CTNND1: variants seen among roughly 807,000 people sequenced by gnomAD.
CTNND1 encodes the protein catenin delta 1, also known as catenin delta-1.
Under a neutral mutation model 112.1 loss-of-function variants are expected in CTNND1, and 16 were observed. The ratio of observed to expected loss-of-function variants is 0.14; its 90% CI spans 0.10 to 0.22. The LOEUF (loss-of-function observed/expected upper bound fraction) is 0.22. CTNND1 is among the 10% of genes least tolerant of loss of function. The pLI, the probability that CTNND1 is intolerant of heterozygous loss-of-function variation, is 1.00. For missense variants in CTNND1, 1,008 were observed against 1,257.0 expected (o/e 0.80, Z 3.00); for synonymous variants, 420 against 446.5 (o/e 0.94, Z 0.75).
chr11:57,766,378 C>T (rs1252799252), intron 1 of CTNND1, among the ~76,000 whole-genome samples: 2 of 152,086 alleles, frequency 1.3e-5, no homozygotes, highest in Admixed American at 1.3e-4. Flanking sequence ...ACTGTTTTAG[C>T]CACAAAACTT....
At chr11:57,781,333 TC>T (rs1161245527) in intron 1 of CTNND1, among the ~76,000 whole-genome samples, 2 of 152,204 alleles carry the variant, frequency 1.3e-5, no homozygotes, top group East Asian at 3.8e-4. Flanking sequence ...ATTTTTTTTT[TC>T]CGAGTCTAGG....
chr11:57,770,440 G>A (rs941653789), intron 1 of CTNND1, among the ~76,000 whole-genome samples: 2 of 152,026 alleles, frequency 1.3e-5, no homozygotes, highest in African/African-American at 2.4e-5. Context: ...GGATCACGAG[G>A]TCAAGAGATT....
At position 57,788,983 on chromosome 11, in the gene CTNND1, TG is replaced by T; in HGVS notation, c.-213-51del. On this transcript the variant is annotated intron_variant, in intron 1 of 20. Transcript: ENST00000399050. The surrounding 1 kb of genome is among the most constrained non-coding windows in gnomAD (Gnocchi z 4.1). ...CCTTGCTCTTCTTGTTTTTATGTAT[TG>T]GGTATATTTTATTTTCCTCTCATTC... 8.4e-7 allele frequency: 1 copy of T among 1,196,444 alleles called. No individual in the cohort carries two copies. Among genetic ancestry groups the T allele is most frequent in the East Asian group, 2.5e-5 (1 of 39,448 alleles). 74.1% of individuals were successfully genotyped at this position (1,196,444 alleles called of 1,614,324 possible). A position where few individuals can be genotyped will look rare whatever the true frequency, so the allele number is the denominator to read the frequency against.
chr11:57,762,617 G>GT (rs1950107000), intron 1 of CTNND1, among the ~76,000 whole-genome samples: 1 of 152,148 alleles, frequency 6.6e-6, no homozygotes, highest in African/African-American at 2.4e-5. Flanking sequence ...TGAACGGCCC[G>GT]TATCGGTTTC....
intron 7 of CTNND1, 128 bp downstream of exon 7, chr11:57,802,324 A>G (rs1240046636): frequency 2.0e-5 from 16 of 793,856 alleles, no homozygotes; most frequent in Admixed American, 1.8e-4. Context: ...GGTCAAATCC[A>G]TCTCACAGAT....
chr11:57,784,409 C>CAA (rs71061541), intron 1 of CTNND1, among the ~76,000 whole-genome samples: 16,574 of 115,286 alleles, frequency 0.14, 1,331 homozygotes, highest in Non-Finnish European at 0.21. Context: ...GATCCTGTCT[C>CAA]AAAAAAAAAA....
intron 1 of CTNND1, among the ~76,000 whole-genome samples, chr11:57,783,105 G>T (rs935285504): frequency 2.6e-5 from 4 of 152,134 alleles, no homozygotes; most frequent in Admixed American, 2.6e-4. Context: ...GGCCAACGTG[G>T]TGAAACCGTG....
chr11:57,761,884 A>T lies in CTNND1; in HGVS notation c.-449A>T. On this transcript the variant is annotated 5_prime_UTR_variant, in exon 1 of 21. Coordinates refer to ENST00000399050, the MANE Select transcript of CTNND1 (RefSeq NM_001085458.2). Reference sequence around the variant, plus strand: ...TAGGTGTTGGATCTGAGGGGGAAAAAAAAGAGAGAGGGAGAGAGAGAGAAA... The same window carrying T: ...TAGGTGTTGGATCTGAGGGGGAAAATAAAGAGAGAGGGAGAGAGAGAGAAA... The T allele has an allele frequency of 1.0e-6, 1 of 985,332 alleles. No individual in the cohort carries two copies. The highest frequency in any genetic ancestry group is 4.7e-5 in the South Asian group (1 of 21,282). The allele number at this position is 985,332 out of a possible 1,614,324, so 61.0% of individuals were successfully genotyped here.
chr11:57,764,230 T>C (rs1327074513), intron 1 of CTNND1: 1 of 149,768 alleles, frequency 6.7e-6, no homozygotes, highest in Non-Finnish European at 1.5e-5. Flanking sequence ...GTGTTCCAGA[T>C]TGCGGGGCGG....
rs2060756239 is a variant in CTNND1, at chr11:57,791,622, A to G, written c.144A>G (p.Pro48=). Residue 48 remains proline, a synonymous_variant, in exon 3 of 21, where the codon CCA becomes CCG. Coordinates refer to ENST00000399050, the MANE Select transcript of CTNND1 (RefSeq NM_001085458.2). ...AGCTGGAACGCGTCCGGGTCTCACC[A>G]CAAGATGCCAACCCACTCATGGCCA... ...SAQLERVRVS[P]QDANPLMANG... is the part of the protein sequence containing the mutation. 6.2e-7 allele frequency: 1 copy of G among 1,603,386 alleles called. No individual in the cohort carries two copies. Among genetic ancestry groups the G allele is most frequent in the Non-Finnish European group, 8.5e-7 (1 of 1,174,364 alleles).
intron 1 of CTNND1, among the ~76,000 whole-genome samples, chr11:57,783,414 C>T (rs1444411579): frequency 6.6e-6 from 1 of 152,178 alleles, no homozygotes; most frequent in East Asian, 1.9e-4. Context: ...AATCCCAGCA[C>T]TTTGGAAGGC....
intron 1 of CTNND1, among the ~76,000 whole-genome samples, chr11:57,774,594 G>A (rs1241309853): frequency 6.6e-6 from 1 of 152,132 alleles, no homozygotes; most frequent in East Asian, 1.9e-4. Flanking sequence ...CCCAAATAAT[G>A]TATTTTATAA....
chr11:57,765,460 ATTTTTTT>A (rs5792061), intron 1 of CTNND1, among the ~76,000 whole-genome samples: 1 of 105,590 alleles, frequency 9.5e-6, no homozygotes, highest in African/African-American at 3.5e-5. Context: ...TCCTCCCTTA[ATTTTTTT>A]TTTTTTTTTT....
chr11:57,794,151 A>G, intron 4 of CTNND1, 70 bp downstream of exon 4: 2 of 1,405,312 alleles, frequency 1.4e-6, no homozygotes, highest in African/African-American at 1.4e-5. Flanking sequence ...ATAAGAGCAT[A>G]TTTGTGTCTT....
intron 1 of CTNND1, among the ~76,000 whole-genome samples, chr11:57,765,067 A>G (rs1950735600): frequency 6.6e-6 from 1 of 152,140 alleles, no homozygotes; most frequent in Non-Finnish European, 1.5e-5. Flanking sequence ...AACTTCCTGG[A>G]ATTGTGTCAC....
chr11:57,802,235 T>C (rs1565353330), intron 7 of CTNND1, 39 bp downstream of exon 7: 1 of 1,520,446 alleles, frequency 6.6e-7, no homozygotes, highest in Admixed American at 1.8e-5. Context: ...AAGTCAGTGT[T>C]ACTCTCTAGT....
chr11:57,776,672 C>A (rs1193223809), intron 1 of CTNND1, among the ~76,000 whole-genome samples: 3 of 152,178 alleles, frequency 2.0e-5, no homozygotes, highest in Non-Finnish European at 2.9e-5. Flanking sequence ...GTCTGAGATA[C>A]AATTAGAACT....
chr11:57,776,607 C>G (rs779893878), intron 1 of CTNND1, among the ~76,000 whole-genome samples: 3 of 152,162 alleles, frequency 2.0e-5, no homozygotes, highest in Non-Finnish European at 4.4e-5. Flanking sequence ...CAGAGGCTTT[C>G]TTCATATCCA....
rs1435985474 is a variant in CTNND1, at chr11:57,796,761, G to A, written c.725G>A (p.Arg242Lys). ...GTGACCCGCATTGAGGAGCGGTATA[G>A]GCCCAGCATGGAAGGCTACCGGGCA... is the stretch of plus-strand genomic sequence containing the variant. Reference protein sequence around the residue: ...SRVTRIEERYRPSMEGYRAPS... With the variant: ...SRVTRIEERYKPSMEGYRAPS... Residue 242 changes from arginine to lysine, a missense_variant, in exon 6 of 21, where the codon AGG (arginine) becomes AAG (lysine). Arg to Lys is a conservative substitution (Grantham distance 26). Around this residue, in one of 5 missense-constraint regions of CTNND1, gnomAD observed 404 missense variants for 457.9 expected, o/e 0.88. Transcript: ENST00000399050. 6.2e-7 allele frequency: 1 copy of A among 1,611,394 alleles called. No individual in the cohort carries two copies. Among genetic ancestry groups the A allele is most frequent in the African/African-American group, 1.3e-5 (1 of 74,872 alleles).
Sources: allele counts gnomAD v4.1 joint callset (sites outside exome capture counted in the v4.1 genomes callset), GRCh38; gene constraint gnomAD v4.1.1; regional missense constraint gnomAD v4.1.1; non-coding constraint Gnocchi (gnomAD v3.1); transcripts MANE v1.5; gene names NCBI Gene and HGNC (gene_info 2026-07-23, HGNC 2026-07-21).